Variants in CACNA2D3 observed in about 807,000 individuals in gnomAD.
CACNA2D3 encodes the protein voltage-dependent calcium channel subunit alpha-2/delta-3.
In CACNA2D3, 60 loss-of-function variants were observed where a neutral mutation model predicts 160.6. That is an observed-to-expected ratio of 0.37 (90% CI 0.30 to 0.46). The LOEUF (loss-of-function observed/expected upper bound fraction) is 0.46. Among genes scored for constraint, CACNA2D3 ranks in the 20% least tolerant of loss-of-function variants. The pLI, the probability that CACNA2D3 is intolerant of heterozygous loss-of-function variation, is 1.00. For synonymous variants in CACNA2D3, 558 were observed against 492.9 expected, an observed-to-expected ratio of 1.13 and a Z score of -1.75; for missense variants, 1,205 against 1,365.0, an observed-to-expected ratio of 0.88 and a Z score of 1.85.
chr3:54,875,115 CCT>C (rs973642747), intron 18 of CACNA2D3: 8 of 152,098 alleles, frequency 5.3e-5, no homozygotes, highest in Non-Finnish European at 1.0e-4. Context: ...GGCAAAAAAG[CCT>C]TTTTCATGGG....
chr3:54,745,758 C>A (rs747561426), intron 11 of CACNA2D3, among the ~76,000 whole-genome samples: 23 of 152,136 alleles, frequency 1.5e-4, no homozygotes, highest in Admixed American at 7.9e-4. Context: ...GGCCATAGAA[C>A]TGGACTTTTA....
chr3:54,961,922 G>C (rs1018963706), intron 27 of CACNA2D3, among the ~76,000 whole-genome samples: 1 of 152,074 alleles, frequency 6.6e-6, no homozygotes, highest in Non-Finnish European at 1.5e-5. Flanking sequence ...CATGTGGTGA[G>C]GGACTTGCTG....
At chr3:54,607,278 A>G (rs1272287882) in intron 9 of CACNA2D3, among the ~76,000 whole-genome samples, 1 of 152,008 alleles carries the variant, frequency 6.6e-6, no homozygotes, top group Non-Finnish European at 1.5e-5. Context: ...GCGGCACTAT[A>G]GTTTCTGACT....
At chr3:54,538,427 C>T (rs923214990) in intron 5 of CACNA2D3, among the ~76,000 whole-genome samples, 2 of 152,118 alleles carry the variant, frequency 1.3e-5, no homozygotes, top group Non-Finnish European at 1.5e-5. Flanking sequence ...AGTCCTCATC[C>T]GTTCATGAAG....
intron 35 of CACNA2D3, among the ~76,000 whole-genome samples, chr3:55,065,384 C>T (rs1056163503): frequency 4.6e-5 from 7 of 152,154 alleles, no homozygotes; most frequent in Non-Finnish European, 8.8e-5. Flanking sequence ...CCCCAACCCC[C>T]TACTCCCACT....
chr3:54,970,965 A>C (rs1702265433), intron 29 of CACNA2D3, among the ~76,000 whole-genome samples: 1 of 152,182 alleles, frequency 6.6e-6, no homozygotes, highest in Non-Finnish European at 1.5e-5. Context: ...AACATAGATT[A>C]GGAAGTAGAT....
At chr3:54,496,616 T>C (rs897650466) in intron 4 of CACNA2D3, among the ~76,000 whole-genome samples, 2 of 152,212 alleles carry the variant, frequency 1.3e-5, no homozygotes, top group African/African-American at 4.8e-5. Context: ...TTATTACTGG[T>C]GAATTTGATG....
intron 5 of CACNA2D3, among the ~76,000 whole-genome samples, chr3:54,555,042 T>C (rs1702222366): frequency 6.6e-6 from 1 of 152,012 alleles, no homozygotes; most frequent in Admixed American, 6.6e-5. Context: ...GCCTATCTAC[T>C]GTTTTGTATT....
intron 8 of CACNA2D3, among the ~76,000 whole-genome samples, chr3:54,580,574 G>A (rs1458048240): frequency 6.6e-6 from 1 of 152,150 alleles, no homozygotes; most frequent in Non-Finnish European, 1.5e-5. Flanking sequence ...CTCTTTGGCT[G>A]CTAAAGTAGA....
chr3:54,492,798 G>A (rs560395333), intron 4 of CACNA2D3, among the ~76,000 whole-genome samples: 142 of 152,176 alleles, frequency 9.3e-4, no homozygotes, highest in African/African-American at 3.1e-3. Flanking sequence ...CATTGAAAAA[G>A]AAAAAACCTG....
At chr3:54,644,444 A>T (rs1321162736) in intron 11 of CACNA2D3, among the ~76,000 whole-genome samples, 1 of 152,150 alleles carries the variant, frequency 6.6e-6, no homozygotes, top group African/African-American at 2.4e-5. Context: ...ATGAACTTCC[A>T]TGTGAAGGTG....
In CACNA2D3 at chr3:54,815,831, G is replaced by A. The variant is rs112694753; in HGVS notation, c.1381-1022G>A. 3.9e-5 allele frequency among the ~76,000 whole-genome samples: 6 copies of A among 152,282 alleles called. 1 individual carries two copies. Among genetic ancestry groups the A allele is most frequent in the African/African-American group, 1.2e-4 (5 of 41,562 alleles). On this transcript the variant is annotated intron_variant, in intron 13 of 37. Transcript: ENST00000474759. Reference sequence around the variant, plus strand: ...AGTGCCTGGTGACAAGTTCACACTCGATAAATGTTAGTCCCTATGTTGAGA... The same window carrying A: ...AGTGCCTGGTGACAAGTTCACACTCAATAAATGTTAGTCCCTATGTTGAGA...
chr3:54,251,448 T>C (rs756816600), intron 2 of CACNA2D3, among the ~76,000 whole-genome samples: 12 of 152,266 alleles, frequency 7.9e-5, no homozygotes, highest in Non-Finnish European at 1.3e-4. Flanking sequence ...TAGATTATTT[T>C]GTTTTGAAGA....
intron 9 of CACNA2D3, among the ~76,000 whole-genome samples, chr3:54,598,783 C>T (rs906696437): frequency 6.6e-6 from 1 of 152,152 alleles, no homozygotes; most frequent in Non-Finnish European, 1.5e-5. Context: ...AGAAACAGGT[C>T]CACACTTTGA....
At chr3:54,321,121 A>G (rs886494199) in intron 3 of CACNA2D3, among the ~76,000 whole-genome samples, 6 of 152,110 alleles carry the variant, frequency 3.9e-5, no homozygotes, top group Non-Finnish European at 5.9e-5. Context: ...GGAGTTCGTG[A>G]CCAGCCTGGC....
At chr3:54,162,345 C>T (rs963418504) in intron 2 of CACNA2D3, among the ~76,000 whole-genome samples, 3 of 152,062 alleles carry the variant, frequency 2.0e-5, no homozygotes, top group Non-Finnish European at 4.4e-5. Context: ...GACTTGATGG[C>T]TGGGGATTGG....
intron 3 of CACNA2D3, among the ~76,000 whole-genome samples, chr3:54,354,101 C>G (rs1698609227): frequency 6.6e-6 from 1 of 152,192 alleles, no homozygotes; most frequent in Non-Finnish European, 1.5e-5. Flanking sequence ...TTCAACTTCT[C>G]ACATGAATCT....
chr3:54,504,681 G>T (rs1159568891), intron 5 of CACNA2D3, among the ~76,000 whole-genome samples: 5 of 152,188 alleles, frequency 3.3e-5, no homozygotes, highest in African/African-American at 1.2e-4. Context: ...AGGTTTCAAA[G>T]ATATCAGGGG....
At chr3:54,984,459 C>A (rs1208107195) in intron 29 of CACNA2D3, 149 bp from the exon 30 acceptor site, 4 of 631,206 alleles carry the variant, frequency 6.3e-6, no homozygotes, top group African/African-American at 1.9e-5. Flanking sequence ...AGCCTAGAAC[C>A]AGCAGGCTTT....
Sources: gnomAD v4.1 joint callset for allele counts (sites outside exome capture counted in the v4.1 genomes callset) on GRCh38, gnomAD v4.1.1 for gene constraint, MANE v1.5 for transcripts, NCBI Gene and HGNC (gene_info 2026-07-23, HGNC 2026-07-21) for gene names.